The following SLCO4A1 variants were observed in gnomAD, a reference collection of about 807,000 sequenced individuals.
The protein encoded by SLCO4A1 is colon organic anion transporter.
In SLCO4A1, 51 loss-of-function variants were observed where a neutral mutation model predicts 64.6. The ratio of observed to expected loss-of-function variants is 0.79; its 90% CI spans 0.63 to 1.00. SLCO4A1 has a LOEUF of 1.00. Ranked by LOEUF, SLCO4A1 falls within the 50% of genes least tolerant of loss-of-function variation. The pLI, the probability that SLCO4A1 is intolerant of heterozygous loss-of-function variation, is 0.00. For synonymous variants in SLCO4A1, 471 were observed against 444.9 expected (o/e 1.06, Z -0.74); for missense variants, 919 against 980.5 (o/e 0.94, Z 0.84).
At chr20:62,668,368 G>C in intron 9 of SLCO4A1, 109 bp from the exon 10 acceptor site, 1 of 1,312,476 alleles carries the variant, frequency 7.6e-7, no homozygotes. Flanking sequence ...CCACTTGGGG[G>C]GGGGTGATGA....
chr20:62,652,419 G>GCGGCCA (rs1982734226), intron 1 of SLCO4A1, among the ~76,000 whole-genome samples: 1 of 152,002 alleles, frequency 6.6e-6, no homozygotes, highest in African/African-American at 2.4e-5. Context: ...TTCGGCGGCC[G>GCGGCCA]GCGGCCGGTG....
At chr20:62,676,593 C>T (rs535120060), downstream of SLCO4A1, among the ~76,000 whole-genome samples, 2 of 152,204 alleles carry the variant, frequency 1.3e-5, no homozygotes, top group African/African-American at 2.4e-5. Flanking sequence ...AAAGCCACAG[C>T]GCTGACCGTA....
At chr20:62,654,372 G>A (rs897346753) in intron 1 of SLCO4A1, among the ~76,000 whole-genome samples, 10 of 152,230 alleles carry the variant, frequency 6.6e-5, no homozygotes, top group Non-Finnish European at 1.5e-4. Context: ...GTGACTGCCC[G>A]GGGAACACGG....
intron 1 of SLCO4A1, among the ~76,000 whole-genome samples, chr20:62,656,000 C>T (rs948892521): frequency 6.6e-6 from 1 of 152,234 alleles, no homozygotes; most frequent in African/African-American, 2.4e-5. Flanking sequence ...GCCTCTGCGT[C>T]TCAGCTCCAC....
chr20:62,677,794 G>C (rs187458547), intron 2 of SLCO4A1, among the ~76,000 whole-genome samples: 1 of 152,152 alleles, frequency 6.6e-6, no homozygotes, highest in Non-Finnish European at 1.5e-5. Flanking sequence ...GGAACCCAGC[G>C]CCACGCTGTG....
chr20:62,655,538 G>A (rs1408321696), intron 1 of SLCO4A1, among the ~76,000 whole-genome samples: 2 of 152,224 alleles, frequency 1.3e-5, no homozygotes, highest in African/African-American at 2.4e-5. Context: ...GTGAGGCGGT[G>A]CCCTGTGGAG....
intron 2 of SLCO4A1, among the ~76,000 whole-genome samples, chr20:62,658,469 G>C (rs6090156): frequency 0.011 from 1,735 of 152,366 alleles, 36 homozygotes; most frequent in African/African-American, 0.039. Flanking sequence ...ACTTGGCTTT[G>C]AGGGGGATTT....
chr20:62,688,017 T>C (rs1374537361), downstream of SLCO4A1, among the ~76,000 whole-genome samples: 1 of 146,866 alleles, frequency 6.8e-6, no homozygotes, highest in African/African-American at 2.5e-5. Flanking sequence ...GCACCACCAG[T>C]TTCATTGCTT....
chr20:62,666,711 A>G, intron 7 of SLCO4A1, 136 bp downstream of exon 7: 2 of 761,676 alleles, frequency 2.6e-6, no homozygotes, highest in South Asian at 3.3e-5. Context: ...GGCAAGGGCA[A>G]CACCCGCTCA....
chr20:62,672,166 G>C lies in SLCO4A1; in HGVS notation c.*273G>C. The C allele has an allele frequency of 7.4e-7, 1 of 1,346,108 alleles. No individual in the cohort carries two copies. Among genetic ancestry groups the C allele is most frequent in the South Asian group, 1.6e-5 (1 of 64,036 alleles). 83.4% of individuals were successfully genotyped at this position (1,346,108 alleles called of 1,614,324 possible). A position where few individuals can be genotyped will look rare whatever the true frequency, so the allele number is the denominator to read the frequency against. ...TTTTATACCCGATCGTGTGTGGTGT[G>C]CGTGAGGACAAACTCCGCAGGGGCT... On this transcript the variant is annotated 3_prime_UTR_variant, in exon 12 of 12. Transcript: ENST00000217159.
In SLCO4A1 at chr20:62,660,498, C is replaced by T. The variant is rs768494414; in HGVS notation, c.974C>T (p.Ala325Val). ...LGSGAAAFFT[A>V]VPILGYPRQL... ...TCTGGGGCCGCTGCTTTCTTCACCG[C>T]CGTTCCCATCCTTGGTTACCCTCGG... Residue 325 changes from alanine to valine, a missense_variant, in exon 4 of 12, where the codon GCC becomes GTC. By Grantham distance (64) the Ala-to-Val change is moderately conservative (BLOSUM62 0). Transcript: ENST00000217159. The T allele has an allele frequency of 6.2e-7, 1 of 1,605,624 alleles. No individual in the cohort carries two copies. The highest frequency in any genetic ancestry group is 8.5e-7 in the Non-Finnish European group (1 of 1,179,940).
At chr20:62,671,718 C>T (rs756136110) in intron 11 of SLCO4A1, 32 bp from the exon 12 acceptor site, 10 of 1,602,652 alleles carry the variant, frequency 6.2e-6, no homozygotes, top group Non-Finnish European at 8.5e-6. Context: ...GCCGAGCTCC[C>T]CACGAGGTCC....
At position 62,660,056 on chromosome 20, in the gene SLCO4A1, CTGCACTGTGGGGAGGGA is replaced by C. The variant is rs370328523; in HGVS notation, c.888-352_888-336del. ...CCCTGGGAACCCCATCTGTCATCCT[CTGCACTGTGGGGAGGGA>C]TGCCTCCTCCCGCTGTTGCCTGGAG... On this transcript the variant is annotated intron_variant, in intron 3 of 11. Coordinates refer to ENST00000217159, the MANE Select transcript of SLCO4A1 (RefSeq NM_016354.4). Among the ~76,000 whole-genome samples the C allele has an allele frequency of 7.9e-3, 1,203 of 152,360 alleles. 15 individuals are homozygous for C. The highest frequency in any genetic ancestry group is 0.027 in the African/African-American group (1,120 of 41,574).
Position 62,656,591 on chromosome 20 carries a change from C to G in SLCO4A1, c.137C>G (p.Ser46Cys), listed in dbSNP as rs376878065. The change falls in exon 2 of 12, where the codon TCC becomes TGC. Residue 46 changes from serine (S) to cysteine (C), a missense_variant. Ser to Cys is a moderately radical substitution (Grantham distance 112, BLOSUM62 -1). Transcript: ENST00000217159. ...GTPLSPGSLRSAAHSPLDTSK... is the reference protein window; with the variant it reads ...GTPLSPGSLRCAAHSPLDTSK... ...CCCCTGAGCCCCGGCTCCCTCCGCT[C>G]CGCTGCCCATAGCCCCCTGGACACC... is the stretch of plus-strand genomic sequence containing the variant. 7.5e-6 allele frequency: 12 copies of G among 1,595,530 alleles called. No individual in the cohort carries two copies. Among genetic ancestry groups the G allele is most frequent in the Non-Finnish European group, 1.0e-5 (12 of 1,173,968 alleles).
Position 62,661,301 on chromosome 20 carries a change from C to T in SLCO4A1, c.1121+126C>T. The T allele has an allele frequency of 5.8e-6, 4 of 686,788 alleles. No individual in the cohort carries two copies. Among genetic ancestry groups the T allele is most frequent in the Non-Finnish European group, 1.0e-5 (4 of 388,822 alleles). 42.5% of individuals were successfully genotyped at this position (686,788 alleles called of 1,614,324 possible). A position where few individuals can be genotyped will look rare whatever the true frequency, so the allele number is the denominator to read the frequency against. On this transcript the variant is annotated intron_variant, in intron 5 of 11. Transcript: ENST00000217159. This position sits in a 1 kb window ranked among gnomAD's most constrained non-coding sequence, Gnocchi z 5.2. ...GCAGCCCCTAACCTCTGTCGTGACC[C>T]TGGGCCAAGAGATTAAGGAGCAACA...
At position 62,671,733 on chromosome 20, in the gene SLCO4A1, G is replaced by T; in HGVS notation, c.2026-17G>T. 1 of 1,609,798 alleles carries T rather than the reference G, an allele frequency of 6.2e-7. No individual in the cohort carries two copies. On this transcript the variant is annotated splice_polypyrimidine_tract_variant and intron_variant, in intron 11 of 11. Transcript: ENST00000217159. ...GCCGAGCTCCCCACGAGGTCCAGCG[G>T]GCTCCTCTCTCCCCAGGTGCTGGGC... is the stretch of plus-strand genomic sequence containing the variant.
rs568915518 is a variant in SLCO4A1 at position 62,661,540 on chromosome 20, G to A, written c.1121+365G>A. Among the ~76,000 whole-genome samples the A allele has an allele frequency of 1.2e-4, 18 of 152,146 alleles. No individual in the cohort carries two copies. The South Asian group carries it at 2.3e-3, about 19-fold the overall frequency. On this transcript the variant is annotated intron_variant, in intron 5 of 11. Transcript: ENST00000217159. The surrounding 1 kb of genome is among the most constrained non-coding windows in gnomAD (Gnocchi z 5.2). ...AGTCTCCCCGTGGCCTGTGTGTCCCGGGGTCCCCAGGGAAGCTGCATTTGA... is the reference window on the plus strand; with the variant it reads ...AGTCTCCCCGTGGCCTGTGTGTCCCAGGGTCCCCAGGGAAGCTGCATTTGA...
chr20:62,687,484 G>A (rs765229160), downstream of SLCO4A1, among the ~76,000 whole-genome samples: 5 of 152,240 alleles, frequency 3.3e-5, no homozygotes, highest in Non-Finnish European at 7.3e-5. Context: ...GCAGAGACAC[G>A]TCCTTCCACC....
chr20:62,679,183 G>A (rs1484177946), intron 2 of SLCO4A1, among the ~76,000 whole-genome samples: 21 of 152,136 alleles, frequency 1.4e-4, no homozygotes, highest in Admixed American at 1.2e-3. Context: ...CAGCCTGGGC[G>A]ACAGAGCAAG....
Sources: allele counts gnomAD v4.1 joint callset (sites outside exome capture counted in the v4.1 genomes callset), GRCh38; gene constraint gnomAD v4.1.1; non-coding constraint Gnocchi (gnomAD v3.1); transcripts MANE v1.5; gene names NCBI Gene and HGNC (gene_info 2026-07-23, HGNC 2026-07-21).